ABCD3: variants seen among roughly 807,000 people sequenced by gnomAD.
The protein encoded by ABCD3 is ATP-binding cassette sub-family D member 3.
In ABCD3, 41 loss-of-function variants were observed where a neutral mutation model predicts 105.5. The observed-to-expected ratio is 0.39, with a 90% CI of 0.30 to 0.50. ABCD3 has a LOEUF of 0.50. Among genes scored for constraint, ABCD3 ranks in the 20% least tolerant of loss-of-function variants. The probability of loss-of-function intolerance (pLI) is 0.84; values close to 1 mark genes in which losing one functional copy is unlikely to be tolerated. For missense variants in ABCD3, 622 were observed against 806.3 expected (o/e 0.77, Z 2.77); for synonymous variants, 258 against 269.0 (o/e 0.96, Z 0.40).
intron 1 of ABCD3, among the ~76,000 whole-genome samples, chr1:94,440,364 T>A (rs532983860): frequency 4.1e-4 from 63 of 152,374 alleles, no homozygotes; most frequent in African/African-American, 1.3e-3. Context: ...AGGCTGTTTC[T>A]TTCTTACCCT....
At chr1:94,455,325 A>ATTTTT (rs142959399) in intron 1 of ABCD3, among the ~76,000 whole-genome samples, 34 of 143,908 alleles carry the variant, frequency 2.4e-4, no homozygotes, top group African/African-American at 8.7e-4. Flanking sequence ...TTATAAATGA[A>ATTTTT]TTTTTTTTTT....
intron 2 of ABCD3, among the ~76,000 whole-genome samples, chr1:94,460,640 T>C (rs1375647018): frequency 6.6e-6 from 1 of 152,184 alleles, no homozygotes; most frequent in Non-Finnish European, 1.5e-5. Flanking sequence ...TAACATGACG[T>C]ACTTTCAGTA....
chr1:94,470,101 G>A (rs1000147964), intron 4 of ABCD3, among the ~76,000 whole-genome samples: 1 of 151,874 alleles, frequency 6.6e-6, no homozygotes, highest in African/African-American at 2.4e-5. Context: ...TTACTTTCTC[G>A]TTTTGGCAGA....
intron 21 of ABCD3, among the ~76,000 whole-genome samples, chr1:94,511,968 G>C (rs868676060): frequency 6.6e-6 from 1 of 152,044 alleles, no homozygotes; most frequent in East Asian, 1.9e-4. Flanking sequence ...TAATTTGATC[G>C]TCTGAAGCCT....
At chr1:94,430,278 C>A (rs1204715239) in intron 1 of ABCD3, among the ~76,000 whole-genome samples, 8 of 151,044 alleles carry the variant, frequency 5.3e-5, no homozygotes, top group Non-Finnish European at 1.2e-4. Flanking sequence ...TGAGACTGGA[C>A]TGTGGACTTT....
At chr1:94,417,262 G>T (rs547184943), upstream of ABCD3, among the ~76,000 whole-genome samples, 3 of 152,152 alleles carry the variant, frequency 2.0e-5, no homozygotes, top group African/African-American at 7.2e-5. Flanking sequence ...ATTGTACCTC[G>T]TCTTTGTGAT....
intron 1 of ABCD3, among the ~76,000 whole-genome samples, chr1:94,457,270 AAAT>A (rs1309339931): frequency 2.6e-5 from 4 of 152,240 alleles, no homozygotes; most frequent in African/African-American, 9.6e-5. Context: ...TTAAACATAT[AAAT>A]AATCATATTT....
At chr1:94,404,953 A>G in the ABCD3 span, among the ~76,000 whole-genome samples, 2 of 146,248 alleles carry the variant, frequency 1.4e-5, no homozygotes, top group Admixed American at 6.8e-5. Context: ...AAAAAAAAAG[A>G]AAAAAAAAAA....
intron 20 of ABCD3, among the ~76,000 whole-genome samples, chr1:94,503,284 G>A (rs939990395): frequency 6.6e-5 from 10 of 152,148 alleles, no homozygotes; most frequent in Admixed American, 4.6e-4. Context: ...ATGAATGTAC[G>A]CAGAGAGTCC....
At chr1:94,484,614 C>T (rs895583817) in intron 10 of ABCD3, among the ~76,000 whole-genome samples, 2 of 152,050 alleles carry the variant, frequency 1.3e-5, no homozygotes, top group East Asian at 3.9e-4. Context: ...GGGTGGGGAA[C>T]ACCACACACC....
chr1:94,389,233 A>G, the ABCD3 span, among the ~76,000 whole-genome samples: 1 of 152,182 alleles, frequency 6.6e-6, no homozygotes, highest in African/African-American at 2.4e-5. Flanking sequence ...AGGGCTGGAG[A>G]GGATATAAAT....
chr1:94,487,655 A>G (rs1291329847), intron 11 of ABCD3, 39 bp from the exon 12 acceptor site: 1 of 1,612,938 alleles, frequency 6.2e-7, no homozygotes, highest in Admixed American at 1.7e-5. Context: ...AAAAGGTGAA[A>G]TACTGTTACT....
At chr1:94,421,849 T>C (rs1014818351) in intron 1 of ABCD3, among the ~76,000 whole-genome samples, 3 of 152,210 alleles carry the variant, frequency 2.0e-5, no homozygotes, top group East Asian at 1.9e-4. Context: ...GTTGCATTTA[T>C]GTTAGAAAGA....
At chr1:94,478,641 A>G in intron 8 of ABCD3, 1 of 1,025,596 alleles carries the variant, frequency 9.8e-7, no homozygotes, top group East Asian at 2.6e-5. Flanking sequence ...GCTTGAATCC[A>G]GGAGTTCGAG....
At position 94,464,824 on chromosome 1, in the gene ABCD3, G is replaced by A. The variant is rs776145069; in HGVS notation, c.197G>A (p.Arg66Lys). 11 of 1,613,608 alleles carry A rather than the reference G, an allele frequency of 6.8e-6. No individual in the cohort carries two copies. The highest frequency in any genetic ancestry group is 2.2e-5 in the South Asian group (2 of 91,056). ...RAVVDKVFFS[R>K]LIQILKIMVP... Reference sequence around the variant, plus strand: ...GTGGTGGACAAGGTGTTTTTCTCAAGGCTCATACAGATTCTGAAAATCATG... The same window carrying A: ...GTGGTGGACAAGGTGTTTTTCTCAAAGCTCATACAGATTCTGAAAATCATG... Residue 66 changes from arginine (R) to lysine (K), a missense_variant, in exon 3 of 23, where the codon AGG becomes AAG. Arg to Lys is a conservative substitution (Grantham distance 26). Coordinates refer to ENST00000370214, the MANE Select transcript of ABCD3 (RefSeq NM_002858.4).
At chr1:94,427,241 C>T (rs370706262) in intron 1 of ABCD3, among the ~76,000 whole-genome samples, 2 of 152,212 alleles carry the variant, frequency 1.3e-5, no homozygotes, top group East Asian at 3.9e-4. Context: ...TTTCCTGTCA[C>T]AGAGGTGTGA....
At chr1:94,401,522 T>C in the ABCD3 span, among the ~76,000 whole-genome samples, 1 of 152,244 alleles carries the variant, frequency 6.6e-6, no homozygotes, top group Admixed American at 6.5e-5. Context: ...AGGGCATTCT[T>C]AACTATTCTG....
chr1:94,506,097 C>T (rs572915622), intron 20 of ABCD3, among the ~76,000 whole-genome samples: 40 of 151,996 alleles, frequency 2.6e-4, no homozygotes, highest in Admixed American at 4.6e-4. Context: ...AAAACAGGTA[C>T]AATAAAAATT....
upstream of ABCD3, among the ~76,000 whole-genome samples, chr1:94,415,893 G>T (rs1171089703): frequency 6.6e-6 from 1 of 152,156 alleles, no homozygotes; most frequent in East Asian, 1.9e-4. Context: ...CTGCTGTATA[G>T]TATCTTTTGC....
Sources: allele counts gnomAD v4.1 joint callset (sites outside exome capture counted in the v4.1 genomes callset), GRCh38; gene constraint gnomAD v4.1.1; transcripts MANE v1.5; gene names NCBI Gene and HGNC (gene_info 2026-07-23, HGNC 2026-07-21).